The following SLC6A13 variants were observed in gnomAD, a reference collection of about 807,000 sequenced individuals.
SLC6A13 encodes the protein sodium- and chloride-dependent GABA transporter 2.
A neutral mutation model predicts 72.9 loss-of-function variants in SLC6A13; 69 were observed. That is an observed-to-expected ratio of 0.95 (90% CI 0.78 to 1.16). The LOEUF (loss-of-function observed/expected upper bound fraction) is 1.16, where lower values mean the gene tolerates loss of function less well. Among genes scored for constraint, SLC6A13 ranks in the 50% most tolerant of loss-of-function variants. The probability of loss-of-function intolerance (pLI) is 0.00; values close to 1 mark genes in which losing one functional copy is unlikely to be tolerated. For synonymous variants in SLC6A13, 303 were observed against 303.0 expected, an observed-to-expected ratio of 1.00 and a Z score of 0.00; for missense variants, 735 against 760.5, an observed-to-expected ratio of 0.97 and a Z score of 0.39.
chr12:224,594 G>T, intron 9 of SLC6A13, 81 bp from the exon 10 acceptor site: 1 of 1,130,624 alleles, frequency 8.8e-7, no homozygotes, highest in Non-Finnish European at 1.3e-6. Flanking sequence ...CCCAGCGTGG[G>T]GCCACAGAAT....
intron 7 of SLC6A13, among the ~76,000 whole-genome samples, chr12:228,367 G>A (rs911639131): frequency 6.6e-6 from 1 of 152,040 alleles, no homozygotes; most frequent in African/African-American, 2.4e-5. Context: ...CAACAGGACC[G>A]AGCGACCCTG....
rs1486277964 is a variant in SLC6A13, at chr12:234,519, CATTTT to C, written c.831+566_831+570del. ...TATTTCATTTTATTTTATTTTATTT[CATTTT>C]ATTTTATTTTAGAGACAGAGTCTCA... On this transcript the variant is annotated intron_variant, in intron 7 of 14. Coordinates refer to ENST00000343164, the MANE Select transcript of SLC6A13 (RefSeq NM_016615.5). Among the ~76,000 whole-genome samples the C allele has an allele frequency of 6.7e-5, 10 of 148,418 alleles. No homozygotes were observed. In the South Asian group the frequency reaches 9.8e-4, roughly 15 times the overall value.
At position 220,741 on chromosome 12, in the gene SLC6A13, C is replaced by G; in HGVS notation, c.*207G>C. 1.7e-6 allele frequency: 1 copy of G among 575,306 alleles called. No homozygotes were observed. The highest frequency in any genetic ancestry group is 1.9e-5 in the African/African-American group (1 of 52,556). The allele number at this position is 575,306 out of a possible 1,614,324, so 35.6% of individuals were successfully genotyped here. A position where few individuals can be genotyped will look rare whatever the true frequency, so the allele number is the denominator to read the frequency against. On this transcript the variant is annotated 3_prime_UTR_variant, in exon 15 of 15. Coordinates refer to ENST00000343164, the MANE Select transcript of SLC6A13 (RefSeq NM_016615.5). ...AAGGGTCTCAGAGGGACACTCTTGG[C>G]ACTGGCCTTTCACATCTGTTCAACA...
At chr12:221,331 G>A (rs1429928395) in intron 14 of SLC6A13, 45 bp downstream of exon 14, 5 of 1,528,086 alleles carry the variant, frequency 3.3e-6, no homozygotes, top group South Asian at 1.2e-5. Context: ...CACCTGCGAA[G>A]CCTCCCAGCC....
intron 2 of SLC6A13, among the ~76,000 whole-genome samples, chr12:246,835 C>T (rs1942367829): frequency 6.6e-6 from 1 of 152,012 alleles, no homozygotes; most frequent in Admixed American, 6.6e-5. Context: ...TGGTGAAACC[C>T]TGTCTCTACT....
rs1454963246 is a variant in SLC6A13, at chr12:245,914, G to A, written c.203-2101C>T. 1.8e-4 allele frequency among the ~76,000 whole-genome samples: 28 copies of A among 151,860 alleles called. 1 individual carries two copies. The highest frequency in any genetic ancestry group is 6.3e-4 in the African/African-American group (26 of 41,420). On this transcript the variant is annotated intron_variant, in intron 2 of 14. Coordinates refer to ENST00000343164, the MANE Select transcript of SLC6A13 (RefSeq NM_016615.5). Reference sequence around the variant, plus strand: ...AGGTGGATCATGAGGTCAGGAGATCGAGACCATCCTGGCTAACACAGTGAA... The same window carrying A: ...AGGTGGATCATGAGGTCAGGAGATCAAGACCATCCTGGCTAACACAGTGAA...
chr12:246,230 A>G (rs1017459248), intron 2 of SLC6A13, among the ~76,000 whole-genome samples: 1 of 152,136 alleles, frequency 6.6e-6, no homozygotes, highest in Non-Finnish European at 1.5e-5. Context: ...AACCAGGAGA[A>G]TTGCTTGAAC....
In SLC6A13 at chr12:224,009, G is replaced by C; in HGVS notation, c.1294C>G (p.Leu432Val). Reference protein sequence around the residue: ...GVSVVSFLVGLIMLTEGGMYV... With the variant: ...GVSVVSFLVGVIMLTEGGMYV... ...GCCCTCACCTCTGTGAGCATGATCAGCCCCACAAGGAAGGAGACGACAGAT... is the reference window on the plus strand; with the variant it reads ...GCCCTCACCTCTGTGAGCATGATCACCCCCACAAGGAAGGAGACGACAGAT... Residue 432 changes from leucine (L) to valine (V), a missense_variant, in exon 11 of 15, where the codon CTG (leucine) becomes GTG (valine). Transcript: ENST00000343164. 6.2e-7 allele frequency: 1 copy of C among 1,612,646 alleles called. No homozygotes were observed. Among genetic ancestry groups the C allele is most frequent in the South Asian group, 1.1e-5 (1 of 90,992 alleles).
In SLC6A13 at chr12:235,124, A is replaced by G. The variant is rs144473866; in HGVS notation, c.797T>C (p.Leu266Pro). The G allele has an allele frequency of 1.2e-6, 2 of 1,614,128 alleles. No homozygotes were observed. Among genetic ancestry groups the G allele is most frequent in the African/African-American group, 1.3e-5 (1 of 74,950 alleles). ...PGAAQGIQFY[L>P]YPNLTRLWDP... Reference sequence around the variant, plus strand: ...CCACAGACGCGTGAGGTTTGGGTACAGGTAAAACTGAATTCCTTGGGCTGC... The same window carrying G: ...CCACAGACGCGTGAGGTTTGGGTACGGGTAAAACTGAATTCCTTGGGCTGC... The change falls in exon 7 of 15, where the codon CTG becomes CCG. Residue 266 changes from leucine to proline, a missense_variant. Physicochemically the swap from Leu to Pro is moderately conservative, Grantham distance 98. Transcript: ENST00000343164.
In SLC6A13 at chr12:259,582, C is replaced by T. The variant is rs1044131746; in HGVS notation, c.202+269G>A. The T allele has an allele frequency of 6.4e-6, 9 of 1,413,180 alleles. No homozygotes were observed. The East Asian group carries it at 1.3e-4, about 20-fold the overall frequency. 87.5% of individuals were successfully genotyped at this position (1,413,180 alleles called of 1,614,324 possible). On this transcript the variant is annotated intron_variant, in intron 2 of 14. Coordinates refer to ENST00000343164, the MANE Select transcript of SLC6A13 (RefSeq NM_016615.5). The stretch of plus-strand genomic sequence containing the variant: ...CAAGATCACACAGAGTGTTAAGTAG[C>T]AGAGCCAGAATCCAAACTCTCATCC...
intron 2 of SLC6A13, chr12:253,684 C>T (rs1305821015): frequency 6.6e-6 from 1 of 152,392 alleles, no homozygotes; most frequent in African/African-American, 2.4e-5. Context: ...GGTCTGCCAG[C>T]AGCCAGGGTC....
chr12:237,404 C>A, intron 5 of SLC6A13, 114 bp from the exon 6 acceptor site: 1 of 1,157,046 alleles, frequency 8.6e-7, no homozygotes, highest in Non-Finnish European at 1.2e-6. Context: ...AAAGGCTTCT[C>A]TGCTCTCTTC....
In SLC6A13 at chr12:224,400, C is replaced by A; in HGVS notation, c.1173+1G>T. The A allele has an allele frequency of 6.2e-7, 1 of 1,613,066 alleles. No homozygotes were observed. ...GCCTCTGAGTGGCTGCCTCTTGATA[C>A]CTGGCTATCCAGTCCCAGGAGAACG... On this transcript the variant is annotated splice_donor_variant, in intron 10 of 14. Coordinates refer to ENST00000343164, the MANE Select transcript of SLC6A13 (RefSeq NM_016615.5). LOFTEE classifies it high-confidence loss of function.
intron 2 of SLC6A13, among the ~76,000 whole-genome samples, chr12:247,747 G>A (rs1565504650): frequency 6.6e-6 from 1 of 151,932 alleles, no homozygotes; most frequent in Non-Finnish European, 1.5e-5. Context: ...TAATTGACTG[G>A]TTAAACAAAA....
Position 223,432 on chromosome 12 carries a change from T to G in SLC6A13, c.1312-198A>C, listed in dbSNP as rs1474648199. On this transcript the variant is annotated intron_variant, in intron 11 of 14. Transcript: ENST00000343164. ...TGAGACGCTAATTATTTTTATTATTTTTTGGGACAGAATATAGATGAAATA... is the reference window on the plus strand; with the variant it reads ...TGAGACGCTAATTATTTTTATTATTGTTTGGGACAGAATATAGATGAAATA... Among the ~76,000 whole-genome samples, 11 of 88,910 alleles carry G rather than the reference T, an allele frequency of 1.2e-4. No individual in the cohort carries two copies. The African/African-American group carries it at 1.7e-3, about 14-fold the overall frequency. The allele number at this position is 88,910 out of a possible 152,430, so 58.3% of individuals were successfully genotyped here.
chr12:239,041 T>A (rs1407358125), intron 4 of SLC6A13, among the ~76,000 whole-genome samples: 1 of 144,758 alleles, frequency 6.9e-6, no homozygotes, highest in Non-Finnish European at 1.5e-5. Flanking sequence ...TTGGATGCAT[T>A]CCACACCATT....
Position 227,664 on chromosome 12 carries a change from C to A in SLC6A13, c.836G>T (p.Trp279Leu). The A allele has an allele frequency of 6.2e-7, 1 of 1,604,490 alleles. No homozygotes were observed. Among genetic ancestry groups the A allele is most frequent in the Admixed American group, 1.7e-5 (1 of 59,388 alleles). ...GAATATCTGGGTGCCTGCATCCATC[C>A]ACACCTACAAAGGGGAAGGGCAAGA... ...NLTRLWDPQV[W>L]MDAGTQIFFS... The change falls in exon 8 of 15, where the codon TGG (tryptophan) becomes TTG (leucine). Residue 279 changes from tryptophan (W) to leucine (L), a missense_variant. Transcript: ENST00000343164.
At chr12:240,113 G>A (rs1335561595) in intron 4 of SLC6A13, among the ~76,000 whole-genome samples, 1 of 152,068 alleles carries the variant, frequency 6.6e-6, no homozygotes, top group Admixed American at 6.5e-5. Flanking sequence ...TGTCTGACAG[G>A]CTGGTTGTCA....
Position 227,774 on chromosome 12 carries a change from C to G in SLC6A13, c.832-106G>C, listed in dbSNP as rs1424504084. The G allele has an allele frequency of 1.5e-5, 14 of 938,316 alleles. No homozygotes were observed. In the South Asian group the frequency reaches 2.4e-4, roughly 16 times the overall value. The allele number at this position is 938,316 out of a possible 1,614,324, so 58.1% of individuals were successfully genotyped here. ...TGAGCCAGACACTGGCTAGGGATGG[C>G]GAGAAACCTGTTCTCAGCCAACACT... On this transcript the variant is annotated intron_variant, in intron 7 of 14. Transcript: ENST00000343164.
Sources: allele counts gnomAD v4.1 joint callset (sites outside exome capture counted in the v4.1 genomes callset), GRCh38; gene constraint gnomAD v4.1.1; transcripts MANE v1.5; gene names NCBI Gene and HGNC (gene_info 2026-07-23, HGNC 2026-07-21).